NRG1: variants seen among roughly 807,000 people sequenced by gnomAD.
NRG1 encodes pro-neuregulin-1, membrane-bound isoform.
In NRG1, 18 loss-of-function variants were observed where a neutral mutation model predicts 63.8. The ratio of observed to expected loss-of-function variants is 0.28; its 90% confidence interval spans 0.19 to 0.42. NRG1 has a LOEUF of 0.42. NRG1 is among the 10% of genes least tolerant of loss of function. NRG1 has a pLI of 1.00. For synonymous variants in NRG1, 302 were observed against 301.3 expected, an observed-to-expected ratio of 1.00 and a Z score of -0.02; for missense variants, 762 against 814.7, an observed-to-expected ratio of 0.94 and a Z score of 0.79.
chr8:32,367,516 T>C (rs1271132357), intron 1 of NRG1, among the ~76,000 whole-genome samples: 1 of 152,166 alleles, frequency 6.6e-6, no homozygotes, highest in African/African-American at 2.4e-5. Context: ...CTTTTGTTTT[T>C]TTGTTTTCGT....
chr8:31,943,980 CA>C, intron 1 of NRG1, among the ~76,000 whole-genome samples: 1 of 152,276 alleles, frequency 6.6e-6, no homozygotes, highest in South Asian at 2.1e-4. Context: ...ACTTGTTTAT[CA>C]AAATGGTACA....
At chr8:31,901,377 C>T (rs543601135) in intron 1 of NRG1, among the ~76,000 whole-genome samples, 15 of 151,982 alleles carry the variant, frequency 9.9e-5, no homozygotes, top group African/African-American at 1.5e-4. Context: ...CAATAGTACA[C>T]CAAACTATGT....
At chr8:32,514,309 A>G (rs185793484) in intron 1 of NRG1, among the ~76,000 whole-genome samples, 26 of 152,248 alleles carry the variant, frequency 1.7e-4, no homozygotes, top group Admixed American at 4.6e-4. Context: ...ATGTATATAT[A>G]TTACTTTCAT....
intron 1 of NRG1, among the ~76,000 whole-genome samples, chr8:31,658,822 A>C (rs1332859009): frequency 6.6e-6 from 1 of 152,184 alleles, no homozygotes; most frequent in Non-Finnish European, 1.5e-5. Flanking sequence ...TCTCTGCAGC[A>C]GGATTCAGTG....
At chr8:32,418,561 T>G (rs1184043926) in intron 1 of NRG1, among the ~76,000 whole-genome samples, 1 of 152,072 alleles carries the variant, frequency 6.6e-6, no homozygotes, top group Non-Finnish European at 1.5e-5. Context: ...AGGTTCCCAA[T>G]AGCCATATGT....
At position 32,364,957 on chromosome 8, in the gene NRG1, C is replaced by CTTTTTTTTTTTTTT. The variant is rs372216683; in HGVS notation, c.38-230865_38-230852dup. ...TGAATAAAATGTACTCCCTTTACTA[C>CTTTTTTTTTTTTTT]TTTTTTTTTTTTTTTTTTTGAGACA... On this transcript the variant is annotated intron_variant, in intron 1 of 10. Transcript: ENST00000519301. Among the ~76,000 whole-genome samples the CTTTTTTTTTTTTTT allele has an allele frequency of 3.6e-3, 385 of 108,386 alleles. 21 individuals carry two copies. The highest frequency in any genetic ancestry group is 5.2e-3 in the Non-Finnish European group (288 of 55,882). The allele number at this position is 108,386 out of a possible 152,430, so 71.1% of individuals were successfully genotyped here.
intron 1 of NRG1, among the ~76,000 whole-genome samples, chr8:31,864,089 A>G (rs1828723055): frequency 6.6e-6 from 1 of 152,168 alleles, no homozygotes; most frequent in Non-Finnish European, 1.5e-5. Flanking sequence ...TCTGTGAAGG[A>G]CCCTTGATGG....
At chr8:32,212,534 T>C (rs1391822806) in intron 1 of NRG1, among the ~76,000 whole-genome samples, 1 of 152,196 alleles carries the variant, frequency 6.6e-6, no homozygotes, top group South Asian at 2.1e-4. Context: ...GTAAGTACCA[T>C]ATTGGACAGG....
At chr8:32,163,443 A>C (rs1241918668) in intron 1 of NRG1, among the ~76,000 whole-genome samples, 1 of 152,192 alleles carries the variant, frequency 6.6e-6, no homozygotes, top group Non-Finnish European at 1.5e-5. Flanking sequence ...GTGGGTATAA[A>C]ACCTGCAAAA....
In NRG1 at chr8:32,611,036, T is replaced by C. The variant is rs371781087; in HGVS notation, c.401-3478T>C. Among the ~76,000 whole-genome samples the C allele has an allele frequency of 4.0e-3, 614 of 152,274 alleles. 5 individuals are homozygous for C. The highest frequency in any genetic ancestry group is 0.014 in the African/African-American group (598 of 41,584). On this transcript the variant is annotated intron_variant, in intron 3 of 11. Coordinates refer to ENST00000356819, the Ensembl canonical transcript of NRG1. ...AGCTAACAAGCTTTGTGAAAACTCC[T>C]GGGCTTTAGAGTAGGGAAGAGAATA... is the stretch of plus-strand genomic sequence containing the variant.
intron 5 of NRG1, among the ~76,000 whole-genome samples, chr8:32,666,486 A>T (rs76690109): frequency 0.039 from 5,990 of 152,220 alleles, 404 homozygotes; most frequent in African/African-American, 0.13. Context: ...AATATTTTTC[A>T]AGAGGGGGAA....
intron 1 of NRG1, among the ~76,000 whole-genome samples, chr8:32,339,173 G>A (rs1198751663): frequency 6.6e-6 from 1 of 151,974 alleles, no homozygotes; most frequent in Non-Finnish European, 1.5e-5. Flanking sequence ...CCCTAAAGTG[G>A]TCTACTTGCA....
chr8:32,525,807 C>A (rs114027273), intron 1 of NRG1, among the ~76,000 whole-genome samples: 240 of 152,260 alleles, frequency 1.6e-3, no homozygotes, highest in African/African-American at 5.6e-3. Context: ...CACAAATCAA[C>A]TTTCTTGTTG....
chr8:32,213,027 T>TA (rs897499439), intron 1 of NRG1, among the ~76,000 whole-genome samples: 38 of 152,308 alleles, frequency 2.5e-4, no homozygotes, highest in African/African-American at 8.9e-4. Flanking sequence ...TACCTTGAGG[T>TA]AAAGCAAAGT....
At chr8:32,122,788 C>A (rs1833630596) in intron 1 of NRG1, among the ~76,000 whole-genome samples, 1 of 151,436 alleles carries the variant, frequency 6.6e-6, no homozygotes, top group Admixed American at 6.6e-5. Context: ...CCCCACCCCA[C>A]AACAGTCCCC....
At chr8:32,739,668 C>T (rs1412201929) in intron 6 of NRG1, among the ~76,000 whole-genome samples, 2 of 152,130 alleles carry the variant, frequency 1.3e-5, no homozygotes, top group Non-Finnish European at 1.5e-5. Flanking sequence ...GATCACAGAA[C>T]TGGTTATAAG....
chr8:32,611,511 A>G (rs1846353734), intron 3 of NRG1, among the ~76,000 whole-genome samples: 1 of 152,122 alleles, frequency 6.6e-6, no homozygotes, highest in South Asian at 2.1e-4. Flanking sequence ...CATGAGAACA[A>G]TATGAAAGCA....
At chr8:32,065,652 G>A (rs1388110937) in intron 1 of NRG1, among the ~76,000 whole-genome samples, 2 of 152,176 alleles carry the variant, frequency 1.3e-5, no homozygotes, top group African/African-American at 4.8e-5. Context: ...ACATACCTGT[G>A]CATGGGTCTT....
At chr8:32,706,682 A>G (rs1816517588) in intron 5 of NRG1, among the ~76,000 whole-genome samples, 1 of 152,170 alleles carries the variant, frequency 6.6e-6, no homozygotes. Context: ...GACACTGAGG[A>G]TACCCAAATT....
Sources: gnomAD v4.1 joint callset for allele counts (sites outside exome capture counted in the v4.1 genomes callset) on GRCh38, gnomAD v4.1.1 for gene constraint, MANE v1.5 for transcripts, NCBI Gene and HGNC (gene_info 2026-07-23, HGNC 2026-07-21) for gene names.